Variants in MYO18B observed in about 807,000 individuals in gnomAD.
MYO18B encodes the protein unconventional myosin-XVIIIb.
A neutral mutation model predicts 273.0 loss-of-function variants in MYO18B; 204 were observed. The observed-to-expected ratio is 0.75, with a 90% confidence interval of 0.67 to 0.84. The LOEUF (loss-of-function observed/expected upper bound fraction) is 0.84. Ranked by LOEUF, MYO18B falls within the 40% of genes least tolerant of loss-of-function variation. MYO18B has a pLI of 0.00. For synonymous variants in MYO18B, 1,330 were observed against 1,305.7 expected (o/e 1.02, Z -0.40); for missense variants, 3,212 against 3,287.6 (o/e 0.98, Z 0.56).
In MYO18B at chr22:25,910,851, C is replaced by G. The variant is rs942535530; in HGVS notation, c.5260-95C>G. On this transcript the variant is annotated intron_variant, in intron 32 of 43. Coordinates refer to ENST00000335473, the MANE Select transcript of MYO18B (RefSeq NM_032608.7). The stretch of plus-strand genomic sequence containing the variant: ...GCCTCATGGAACAAAGCCACAAGCT[C>G]TACATTCCTCCGCCTTCTGAGGGTC... The G allele has an allele frequency of 1.5e-4, 142 of 977,742 alleles. No individual in the cohort carries two copies. The South Asian group carries it at 2.0e-3, about 14-fold the overall frequency. The allele number at this position is 977,742 out of a possible 1,614,324, so 60.6% of individuals were successfully genotyped here.
At chr22:25,747,619 T>TC (rs1474827723) in intron 1 of MYO18B, among the ~76,000 whole-genome samples, 2 of 151,964 alleles carry the variant, frequency 1.3e-5, no homozygotes, top group African/African-American at 4.8e-5. Flanking sequence ...GCTGAGATTT[T>TC]TTTTTTCTAA....
At chr22:25,905,100 G>A (rs2092015584) in intron 31 of MYO18B, among the ~76,000 whole-genome samples, 1 of 152,016 alleles carries the variant, frequency 6.6e-6, no homozygotes, top group Non-Finnish European at 1.5e-5. Flanking sequence ...ATGTGACCAG[G>A]TGTCATGAAT....
intron 1 of MYO18B, among the ~76,000 whole-genome samples, chr22:25,758,206 G>C (rs1055360654): frequency 6.6e-5 from 10 of 152,000 alleles, no homozygotes; most frequent in African/African-American, 2.2e-4. Flanking sequence ...TAGAGACAGG[G>C]TTTCCCCATG....
At position 25,743,748 on chromosome 22, in the gene MYO18B, C is replaced by G. The variant is rs77169160; in HGVS notation, c.-110+1455C>G. Among the ~76,000 whole-genome samples the G allele has an allele frequency of 3.7e-3, 565 of 152,222 alleles. 5 individuals carry two copies. Among genetic ancestry groups the G allele is most frequent in the African/African-American group, 0.013 (544 of 41,528 alleles). ...GAATATCCTGGTGTGGGCTCTGTAA[C>G]CTTGGATGAGTACTCTCCCCAGTCG... On this transcript the variant is annotated intron_variant, in intron 1 of 43. Coordinates refer to ENST00000335473, the MANE Select transcript of MYO18B (RefSeq NM_032608.7).
intron 31 of MYO18B, among the ~76,000 whole-genome samples, chr22:25,905,227 A>T (rs905838874): frequency 6.6e-6 from 1 of 152,146 alleles, no homozygotes; most frequent in Non-Finnish European, 1.5e-5. Context: ...CTCCAACAAG[A>T]TGGAGCCTGG....
intron 6 of MYO18B, among the ~76,000 whole-genome samples, chr22:25,771,231 A>G (rs1017894020): frequency 6.6e-6 from 1 of 152,218 alleles, no homozygotes; most frequent in East Asian, 1.9e-4. Flanking sequence ...ACATCAAAGA[A>G]CATGTTTGTC....
chr22:25,942,481 C>T (rs1280048876), intron 34 of MYO18B, among the ~76,000 whole-genome samples: 3 of 152,176 alleles, frequency 2.0e-5, no homozygotes, highest in South Asian at 2.1e-4. Context: ...TGATCCATTC[C>T]GTCTGTGTGG....
intron 20 of MYO18B, among the ~76,000 whole-genome samples, chr22:25,849,786 T>C (rs2090369300): frequency 6.6e-6 from 1 of 152,224 alleles, no homozygotes; most frequent in African/African-American, 2.4e-5. Context: ...TGAAGGCTGC[T>C]ATGGGGCTGG....
intron 37 of MYO18B, 67 bp downstream of exon 37, chr22:25,950,517 G>GTTGTGTGTGT: frequency 7.8e-5 from 19 of 245,016 alleles, no homozygotes; most frequent in Non-Finnish European, 1.3e-4. Flanking sequence ...GAACTAATAG[G>GTTGTGTGTGT]ATGTGTGTGT....
intron 42 of MYO18B, among the ~76,000 whole-genome samples, chr22:26,016,255 A>G (rs1006587824): frequency 3.3e-5 from 5 of 152,254 alleles, no homozygotes; most frequent in African/African-American, 1.2e-4. Flanking sequence ...AAATTGTAGC[A>G]GAAGGTAAAA....
chr22:25,835,689 G>A (rs983791073), intron 17 of MYO18B, among the ~76,000 whole-genome samples: 2 of 152,268 alleles, frequency 1.3e-5, no homozygotes, highest in African/African-American at 4.8e-5. Flanking sequence ...AGTCCTCATG[G>A]GGAAGGCACA....
Position 25,797,677 on chromosome 22 carries a change from C to T in MYO18B, c.2377-276C>T, listed in dbSNP as rs943714173. ...CATCTTTGCATCCCCAGACCAGAGC[C>T]CCGCATAGAGCAGAGCTTCCATAAA... On this transcript the variant is annotated intron_variant, in intron 11 of 43. Coordinates refer to ENST00000335473, the MANE Select transcript of MYO18B (RefSeq NM_032608.7). Among the ~76,000 whole-genome samples, 4 of 152,274 alleles carry T rather than the reference C, an allele frequency of 2.6e-5. 1 individual carries two copies. Among genetic ancestry groups the T allele is most frequent in the Admixed American group, 2.6e-4 (4 of 15,296 alleles).
chr22:26,060,761 C>A, the MYO18B span, among the ~76,000 whole-genome samples: 3 of 149,976 alleles, frequency 2.0e-5, no homozygotes. Context: ...CATATACATA[C>A]AAACATGCAT....
At chr22:26,046,009 C>A in the MYO18B span, among the ~76,000 whole-genome samples, 1 of 152,314 alleles carries the variant, frequency 6.6e-6, no homozygotes, top group South Asian at 2.1e-4. Flanking sequence ...TCTGCTACTG[C>A]TGAATAAATA....
intron 1 of MYO18B, among the ~76,000 whole-genome samples, chr22:25,760,620 A>G (rs1037768266): frequency 1.3e-5 from 2 of 152,150 alleles, no homozygotes; most frequent in Non-Finnish European, 2.9e-5. Flanking sequence ...ACCATAGATT[A>G]GATTTGCCTG....
rs751460528 is a variant in MYO18B, at chr22:25,876,239, C to T, written c.4131C>T (p.Leu1377=). 31 of 1,613,344 alleles carry T rather than the reference C, an allele frequency of 1.9e-5. No individual in the cohort carries two copies. The highest frequency in any genetic ancestry group is 5.3e-5 in the African/African-American group (4 of 74,900). The part of the protein sequence containing the change: ...QCIQKNVAVF[L]AVKDWPWWQL... ...TCCAGAAGAATGTGGCTGTGTTCCT[C>T]GCAGTCAAGGACTGGCCATGGTGGC... is the stretch of plus-strand genomic sequence containing the variant. The change falls in exon 24 of 44, where the codon CTC becomes CTT. Residue 1377 remains leucine, a synonymous_variant. Transcript: ENST00000335473.
In MYO18B at chr22:25,947,695, T is replaced by C. The variant is rs1253270659; in HGVS notation, c.5632-17T>C. 5 of 1,607,562 alleles carry C rather than the reference T, an allele frequency of 3.1e-6. No homozygotes were observed. Among genetic ancestry groups the C allele is most frequent in the Non-Finnish European group, 4.3e-6 (5 of 1,175,520 alleles). On this transcript the variant is annotated splice_polypyrimidine_tract_variant and intron_variant, in intron 35 of 43. Coordinates refer to ENST00000335473, the MANE Select transcript of MYO18B (RefSeq NM_032608.7). ...CACCCTCTCACCTTGCCTTGACCAC[T>C]GATCTGCCTCCCCCAGGTGGATGAG...
chr22:25,988,909 A>C (rs2093230613), intron 39 of MYO18B, among the ~76,000 whole-genome samples: 1 of 152,150 alleles, frequency 6.6e-6, no homozygotes, highest in Non-Finnish European at 1.5e-5. Context: ...TTGGGATTTG[A>C]ACCCCGGCAG....
At chr22:25,869,358 G>A (rs2090981160) in intron 22 of MYO18B, among the ~76,000 whole-genome samples, 1 of 150,530 alleles carries the variant, frequency 6.6e-6, no homozygotes, top group South Asian at 2.1e-4. Flanking sequence ...GCCGAGGCAG[G>A]AGAATCGCTT....
Sources: allele counts gnomAD v4.1 joint callset (sites outside exome capture counted in the v4.1 genomes callset), GRCh38; gene constraint gnomAD v4.1.1; transcripts MANE v1.5; gene names NCBI Gene and HGNC (gene_info 2026-07-23, HGNC 2026-07-21).